The following PIP5K1C variants were observed in gnomAD, a reference collection of about 807,000 sequenced individuals.
The protein encoded by PIP5K1C is phosphatidylinositol 4-phosphate 5-kinase type-1 gamma.
PIP5K1C carries 45 observed loss-of-function variants against 80.1 expected under a neutral mutation model. The ratio of observed to expected loss-of-function variants is 0.56; its 90% CI spans 0.44 to 0.72. The LOEUF (loss-of-function observed/expected upper bound fraction) is 0.72. Ranked by LOEUF, PIP5K1C falls within the 30% of genes least tolerant of loss-of-function variation. PIP5K1C has a pLI of 0.00. For missense variants in PIP5K1C, 753 were observed against 954.6 expected (o/e 0.79, Z 2.78); for synonymous variants, 498 against 420.1 (o/e 1.19, Z -2.27).
At chr19:3,650,249 T>G (rs1378394480) in intron 8 of PIP5K1C, among the ~76,000 whole-genome samples, 1 of 152,236 alleles carries the variant, frequency 6.6e-6, no homozygotes, top group Non-Finnish European at 1.5e-5. Context: ...CCTTCGTGGC[T>G]GCACTGGGGA....
At position 3,648,302 on chromosome 19, in the gene PIP5K1C, G is replaced by A. The variant is rs959207154; in HGVS notation, c.1211+323C>T. On this transcript the variant is annotated intron_variant, in intron 9 of 17. Transcript: ENST00000335312. The surrounding 1 kb of genome is among the most constrained non-coding windows in gnomAD (Gnocchi z 4.3). ...CCTCCCACAGTGCTAGATTACAGGT[G>A]TGGACCACTACGCCCAACTCACTCT... Among the ~76,000 whole-genome samples, 2 of 152,210 alleles carry A rather than the reference G, an allele frequency of 1.3e-5. No homozygotes were observed. Among genetic ancestry groups the A allele is most frequent in the African/African-American group, 2.4e-5 (1 of 41,450 alleles).
At chr19:3,686,155 A>G (rs1489918395) in intron 1 of PIP5K1C, among the ~76,000 whole-genome samples, 2 of 152,158 alleles carry the variant, frequency 1.3e-5, no homozygotes, top group Non-Finnish European at 2.9e-5. Context: ...ACTTAGACTA[A>G]AAGCTAAAAA....
At chr19:3,641,668 G>T in intron 15 of PIP5K1C, 37 bp downstream of exon 15, 1 of 1,530,760 alleles carries the variant, frequency 6.5e-7, no homozygotes, top group Non-Finnish European at 9.0e-7. Flanking sequence ...GCCCGCAGCA[G>T]GTGGGCGCCC....
Position 3,653,505 on chromosome 19 carries a change from C to T in PIP5K1C, c.706G>A (p.Val236Met), listed in dbSNP as rs377291771. Residue 236 changes from valine (V) to methionine (M), a missense_variant, in exon 7 of 18, where the codon GTG becomes ATG. Transcript: ENST00000335312. ...VQSGGKNIRV[V>M]VMNNILPRVV... Reference sequence around the variant, plus strand: ...CGGGGCAGGATGTTGTTCATGACCACGACGCGGATGTTCTTGCCCCCCGAC... The same window carrying T: ...CGGGGCAGGATGTTGTTCATGACCATGACGCGGATGTTCTTGCCCCCCGAC... 2.4e-5 allele frequency: 38 copies of T among 1,613,718 alleles called. No individual in the cohort carries two copies. The highest frequency in any genetic ancestry group is 5.0e-5 in the Admixed American group (3 of 60,010).
intron 2 of PIP5K1C, among the ~76,000 whole-genome samples, chr19:3,666,766 C>T (rs2145506883): frequency 6.6e-6 from 1 of 151,878 alleles, no homozygotes; most frequent in East Asian, 1.9e-4. Flanking sequence ...CGTGCACACA[C>T]GCACGCAGGC....
chr19:3,667,193 G>A, intron 2 of PIP5K1C, 129 bp downstream of exon 2: 2 of 772,122 alleles, frequency 2.6e-6, no homozygotes, highest in East Asian at 5.4e-5. Context: ...CCTGCTTGTG[G>A]ACACTGGACG....
chr19:3,648,829 C>A lies in PIP5K1C; in HGVS notation c.1128-121G>T, dbSNP rs950233843. On this transcript the variant is annotated intron_variant, in intron 8 of 17. Coordinates refer to ENST00000335312, the MANE Select transcript of PIP5K1C (RefSeq NM_012398.3). The surrounding 1 kb of genome is among the most constrained non-coding windows in gnomAD (Gnocchi z 4.3). ...TCCTGTGGGTGGCAACTTGGCCAAG[C>A]TCTCGGAGTGGGGCCTGGCACCCGG... is the stretch of plus-strand genomic sequence containing the variant. The A allele has an allele frequency of 2.7e-5, 21 of 786,940 alleles. No homozygotes were observed. The highest frequency in any genetic ancestry group is 4.1e-5 in the Non-Finnish European group (19 of 463,528). The allele number at this position is 786,940 out of a possible 1,614,324, so 48.7% of individuals were successfully genotyped here.
chr19:3,650,089 CTA>C (rs1355756177), intron 8 of PIP5K1C: 13 of 157,722 alleles, frequency 8.2e-5, no homozygotes, highest in African/African-American at 2.4e-5. Flanking sequence ...CCCCCCGCAG[CTA>C]CACCCTGGTT....
At position 3,656,462 on chromosome 19, in the gene PIP5K1C, C is replaced by G; in HGVS notation, c.564G>C (p.Lys188Asn). 1 of 1,613,748 alleles carries G rather than the reference C, an allele frequency of 6.2e-7. No individual in the cohort carries two copies. Among genetic ancestry groups the G allele is most frequent in the Non-Finnish European group, 8.5e-7 (1 of 1,180,036 alleles). ...YVTSDDEFII[K>N]TVMHKEAEFL... Reference sequence around the variant, plus strand: ...ACTCGGCCTCCTTGTGCATGACGGTCTTGATGATGAACTCGTCGTCGCTGG... The same window carrying G: ...ACTCGGCCTCCTTGTGCATGACGGTGTTGATGATGAACTCGTCGTCGCTGG... The change falls in exon 6 of 18, where the codon AAG (lysine) becomes AAC (asparagine). Residue 188 changes from lysine (K) to asparagine (N), a missense_variant. Lys to Asn is a moderately conservative substitution (Grantham distance 94, BLOSUM62 0). Transcript: ENST00000335312.
chr19:3,641,417 G>T (rs1472506365), intron 15 of PIP5K1C, among the ~76,000 whole-genome samples: 1 of 152,098 alleles, frequency 6.6e-6, no homozygotes, highest in Admixed American at 6.5e-5. Flanking sequence ...GCAGGCTGAT[G>T]CTGAGCAGCG....
intron 15 of PIP5K1C, 88 bp downstream of exon 15, chr19:3,641,617 T>C: frequency 1.1e-6 from 1 of 914,596 alleles, no homozygotes; most frequent in Non-Finnish European, 1.8e-6. Flanking sequence ...AAGAAAGAAC[T>C]GCTTCATGAT....
At chr19:3,640,868 T>C (rs1245595032) in intron 15 of PIP5K1C, among the ~76,000 whole-genome samples, 1 of 151,880 alleles carries the variant, frequency 6.6e-6, no homozygotes, top group East Asian at 2.0e-4. Context: ...TGCTATTTTT[T>C]AGTAGAGATG....
chr19:3,688,140 C>T lies in PIP5K1C; in HGVS notation c.94+12157G>A, dbSNP rs1430506638. Among the ~76,000 whole-genome samples, 1 of 152,170 alleles carries T rather than the reference C, an allele frequency of 6.6e-6. No homozygotes were observed. Among genetic ancestry groups the T allele is most frequent in the East Asian group, 1.9e-4 (1 of 5,178 alleles). On this transcript the variant is annotated intron_variant, in intron 1 of 17. Transcript: ENST00000335312. The surrounding 1 kb of genome is among the most constrained non-coding windows in gnomAD (Gnocchi z 5.3). ...CTGATGGGCCCCGAGCTGAGGCTCCCGCAGCCAGGGTCTGCGCGTGGTCCC... is the reference window on the plus strand; with the variant it reads ...CTGATGGGCCCCGAGCTGAGGCTCCTGCAGCCAGGGTCTGCGCGTGGTCCC...
intron 4 of PIP5K1C, 104 bp downstream of exon 4, chr19:3,661,767 G>A (rs1375510454): frequency 2.8e-6 from 4 of 1,408,708 alleles, no homozygotes; most frequent in Admixed American, 1.7e-5. Flanking sequence ...GCCAGGAGGG[G>A]CCAGGTGCTG....
At chr19:3,683,407 T>G (rs1467375112) in intron 1 of PIP5K1C, among the ~76,000 whole-genome samples, 1 of 152,166 alleles carries the variant, frequency 6.6e-6, no homozygotes, top group East Asian at 1.9e-4. Flanking sequence ...CTCTAACCAC[T>G]GAGCCACCCT....
chr19:3,691,962 ACC>A (rs1230442093), intron 1 of PIP5K1C, among the ~76,000 whole-genome samples: 5 of 151,988 alleles, frequency 3.3e-5, no homozygotes, highest in Non-Finnish European at 7.4e-5. Flanking sequence ...AGCTGCTCCC[ACC>A]CCAGGCTCTT....
intron 1 of PIP5K1C, among the ~76,000 whole-genome samples, chr19:3,671,832 C>G (rs756194655): frequency 2.0e-5 from 3 of 152,256 alleles, no homozygotes; most frequent in Non-Finnish European, 4.4e-5. Flanking sequence ...CCGTGACCCC[C>G]ATAGGGGGCT....
intron 1 of PIP5K1C, among the ~76,000 whole-genome samples, chr19:3,699,929 G>A (rs2036244266): frequency 6.6e-6 from 1 of 152,192 alleles, no homozygotes; most frequent in African/African-American, 2.4e-5. Flanking sequence ...TTACAGAAAG[G>A]GAGGTGACAT....
At position 3,641,739 on chromosome 19, in the gene PIP5K1C, C is replaced by A. The variant is rs370734645; in HGVS notation, c.1753G>T (p.Val585Leu). 6.2e-7 allele frequency: 1 copy of A among 1,610,900 alleles called. No individual in the cohort carries two copies. The highest frequency in any genetic ancestry group is 1.1e-5 in the South Asian group (1 of 91,080). ...ITVQVEPACSVEIVVPKEEDA... is the reference protein window; with the variant it reads ...ITVQVEPACSLEIVVPKEEDA... Reference sequence around the variant, plus strand: ...TCCTCTTTGGGGACCACAATCTCCACGCTGCACGCAGGCTCCACCTGCACT... The same window carrying A: ...TCCTCTTTGGGGACCACAATCTCCAAGCTGCACGCAGGCTCCACCTGCACT... The change falls in exon 15 of 18, where the codon GTG becomes TTG. Residue 585 changes from valine to leucine, a missense_variant. Coordinates refer to ENST00000335312, the MANE Select transcript of PIP5K1C (RefSeq NM_012398.3).
Sources: gnomAD v4.1 joint callset for allele counts (sites outside exome capture counted in the v4.1 genomes callset) on GRCh38, gnomAD v4.1.1 for gene constraint, Gnocchi (gnomAD v3.1) non-coding constraint, MANE v1.5 for transcripts, NCBI Gene and HGNC (gene_info 2026-07-23, HGNC 2026-07-21) for gene names.